Variants in SYNDIG1 observed in about 807,000 individuals in gnomAD.
SYNDIG1 encodes synapse differentiation-inducing gene protein 1.
A neutral mutation model predicts 19.4 loss-of-function variants in SYNDIG1; 9 were observed. The ratio of observed to expected loss-of-function variants is 0.46; its 90% CI spans 0.28 to 0.81. The LOEUF is 0.81. Ranked by LOEUF, SYNDIG1 falls within the 30% of genes least tolerant of loss-of-function variation. SYNDIG1 has a pLI of 0.12. For missense variants in SYNDIG1, 311 were observed against 343.3 expected, an observed-to-expected ratio of 0.91 and a Z score of 0.74; for synonymous variants, 141 against 145.9, an observed-to-expected ratio of 0.97 and a Z score of 0.24.
chr20:24,613,923 A>T (rs2058887848), intron 3 of SYNDIG1, among the ~76,000 whole-genome samples: 1 of 152,154 alleles, frequency 6.6e-6, no homozygotes, highest in Non-Finnish European at 1.5e-5. Context: ...TAGGGGAGAG[A>T]GGCTGTTACC....
chr20:24,582,375 TC>T (rs1450684058), intron 2 of SYNDIG1, among the ~76,000 whole-genome samples: 2 of 45,906 alleles, frequency 4.4e-5, no homozygotes. Flanking sequence ...TTGCATGGCC[TC>T]CCCCCATATG....
chr20:24,519,740 C>T (rs775378994), intron 1 of SYNDIG1, among the ~76,000 whole-genome samples: 55 of 152,124 alleles, frequency 3.6e-4, no homozygotes, highest in Admixed American at 6.6e-4. Flanking sequence ...ACCCTCAGTG[C>T]ATAGTGGATT....
chr20:24,639,418 C>T (rs1292469103), intron 3 of SYNDIG1, among the ~76,000 whole-genome samples: 1 of 152,140 alleles, frequency 6.6e-6, no homozygotes, highest in East Asian at 1.9e-4. Flanking sequence ...AGGCATATTC[C>T]CCACACACGA....
chr20:24,538,347 C>G (rs1600558809), intron 1 of SYNDIG1, among the ~76,000 whole-genome samples: 1 of 152,182 alleles, frequency 6.6e-6, no homozygotes, highest in Non-Finnish European at 1.5e-5. Flanking sequence ...TTGATGGAAT[C>G]ATACAGCATA....
At chr20:24,637,871 G>A (rs1401523144) in intron 3 of SYNDIG1, among the ~76,000 whole-genome samples, 1 of 152,186 alleles carries the variant, frequency 6.6e-6, no homozygotes, top group Admixed American at 6.5e-5. Context: ...TCAACTATCT[G>A]TAGACTCCTC....
intron 2 of SYNDIG1, among the ~76,000 whole-genome samples, chr20:24,584,075 G>A (rs1012648011): frequency 7.2e-5 from 11 of 152,122 alleles, no homozygotes; most frequent in African/African-American, 2.7e-4. Flanking sequence ...CCTGTGCCCA[G>A]CTTCACCCTG....
intron 1 of SYNDIG1, among the ~76,000 whole-genome samples, chr20:24,505,548 A>G (rs1345581363): frequency 1.3e-5 from 2 of 152,202 alleles, no homozygotes; most frequent in Non-Finnish European, 2.9e-5. Context: ...TGGCACTGCA[A>G]CATTTTTAAT....
intron 2 of SYNDIG1, among the ~76,000 whole-genome samples, chr20:24,576,717 G>A (rs996781915): frequency 3.9e-5 from 6 of 152,104 alleles, no homozygotes; most frequent in African/African-American, 1.4e-4. Flanking sequence ...CCCAGGCTGG[G>A]CACTTGCTCC....
chr20:24,514,841 C>G (rs868247023), intron 1 of SYNDIG1, among the ~76,000 whole-genome samples: 1 of 152,190 alleles, frequency 6.6e-6, no homozygotes, highest in Non-Finnish European at 1.5e-5. Context: ...AACACCGCAC[C>G]GCACTTATTC....
At chr20:24,631,857 G>C (rs180748942) in intron 3 of SYNDIG1, among the ~76,000 whole-genome samples, 157 of 152,310 alleles carry the variant, frequency 1.0e-3, no homozygotes, top group African/African-American at 3.8e-3. Flanking sequence ...TCTGTGGCTA[G>C]TTCTATACTC....
chr20:24,615,948 C>A (rs1035147506), intron 3 of SYNDIG1, among the ~76,000 whole-genome samples: 1 of 151,924 alleles, frequency 6.6e-6, no homozygotes, highest in Non-Finnish European at 1.5e-5. Context: ...TCAACCTCTA[C>A]CTGAAATTTA....
intron 1 of SYNDIG1, among the ~76,000 whole-genome samples, chr20:24,506,689 G>A (rs1362313860): frequency 6.6e-6 from 1 of 152,140 alleles, no homozygotes; most frequent in African/African-American, 2.4e-5. Context: ...GCTCCCATGG[G>A]TTCCCTCTGG....
chr20:24,488,017 C>T (rs2056017801), intron 1 of SYNDIG1, among the ~76,000 whole-genome samples: 1 of 152,194 alleles, frequency 6.6e-6, no homozygotes, highest in Admixed American at 6.5e-5. Context: ...AGCATCCCAG[C>T]GCAGCTTCAC....
intron 1 of SYNDIG1, among the ~76,000 whole-genome samples, chr20:24,525,286 C>CTTTTTTTT (rs11471122): frequency 9.4e-6 from 1 of 106,556 alleles, no homozygotes; most frequent in Non-Finnish European, 1.9e-5. Context: ...TCTTCTTCTT[C>CTTTTTTTT]TTTTTTTTTT....
chr20:24,535,431 C>A (rs1271062681), intron 1 of SYNDIG1, among the ~76,000 whole-genome samples: 1 of 152,194 alleles, frequency 6.6e-6, no homozygotes, highest in Non-Finnish European at 1.5e-5. Flanking sequence ...TACTAGCGTT[C>A]AATAACTTAA....
intron 1 of SYNDIG1, among the ~76,000 whole-genome samples, chr20:24,536,501 T>A (rs6132743): frequency 0.73 from 110,795 of 152,008 alleles, 40,511 homozygotes; most frequent in African/African-American, 0.79. Context: ...GTCTGGGAGC[T>A]CTCCCTGGGC....
intron 3 of SYNDIG1, among the ~76,000 whole-genome samples, chr20:24,648,990 A>G (rs567985534): frequency 6.6e-6 from 1 of 152,362 alleles, no homozygotes; most frequent in Admixed American, 6.5e-5. Context: ...TGTTGAAAAA[A>G]GGTGAGCAAA....
At chr20:24,546,125 C>T (rs188156194) in intron 2 of SYNDIG1, among the ~76,000 whole-genome samples, 2 of 152,274 alleles carry the variant, frequency 1.3e-5, no homozygotes, top group South Asian at 2.1e-4. Context: ...TGGTTAACTT[C>T]GTCCTTTTTC....
chr20:24,514,656 A>T (rs1191969101), intron 1 of SYNDIG1, among the ~76,000 whole-genome samples: 1 of 152,168 alleles, frequency 6.6e-6, no homozygotes, highest in African/African-American at 2.4e-5. Context: ...AGAGACTTAG[A>T]CTCCCATGCA....
Sources: allele counts gnomAD v4.1 joint callset (sites outside exome capture counted in the v4.1 genomes callset), GRCh38; gene constraint gnomAD v4.1.1; transcripts MANE v1.5; gene names NCBI Gene and HGNC (gene_info 2026-07-23, HGNC 2026-07-21).